Variants in SLC4A4 observed in about 807,000 individuals in gnomAD.
SLC4A4 encodes the protein solute carrier family 4 member 4.
A neutral mutation model predicts 111.5 loss-of-function variants in SLC4A4; 27 were observed. The ratio of observed to expected loss-of-function variants is 0.24; its 90% CI spans 0.18 to 0.33. SLC4A4 has a LOEUF of 0.33. Ranked by LOEUF, SLC4A4 falls within the 10% of genes least tolerant of loss-of-function variation. SLC4A4 has a pLI of 1.00. For synonymous variants in SLC4A4, 443 were observed against 463.4 expected (o/e 0.96, Z 0.57); for missense variants, 909 against 1,315.5 (o/e 0.69, Z 4.78).
At chr4:71,304,339 C>T (rs1405700598) in intron 3 of SLC4A4, among the ~76,000 whole-genome samples, 1 of 152,156 alleles carries the variant, frequency 6.6e-6, no homozygotes, top group East Asian at 1.9e-4. Flanking sequence ...GGCCAATGTC[C>T]TGGTGTGAGT....
chr4:71,167,228 T>C (rs7672316), intron 2 of SLC4A4, among the ~76,000 whole-genome samples: 16,690 of 151,956 alleles, frequency 0.11, 1,630 homozygotes, highest in African/African-American at 0.25. Context: ...TACAGAGAGG[T>C]GGCTTCTCCA....
intron 15 of SLC4A4, among the ~76,000 whole-genome samples, chr4:71,496,493 G>T (rs1378577451): frequency 6.6e-6 from 1 of 151,998 alleles, no homozygotes; most frequent in Non-Finnish European, 1.5e-5. Context: ...GACGAAGAGG[G>T]TATAGTTTTA....
chr4:71,305,635 G>T lies in SLC4A4; in HGVS notation c.254-33735G>T, dbSNP rs141736722. 6.9e-3 allele frequency among the ~76,000 whole-genome samples: 1,056 copies of T among 152,304 alleles called. 6 individuals carry two copies. The highest frequency in any genetic ancestry group is 9.1e-3 in the Non-Finnish European group (620 of 68,036). ...TCCCCATCTTTACCACTAGCACACT[G>T]TGAATCTCAGAGCATATTATTTCAC... On this transcript the variant is annotated intron_variant, in intron 3 of 25. Transcript: ENST00000264485.
At chr4:71,280,140 T>C (rs1378597974) in intron 3 of SLC4A4, among the ~76,000 whole-genome samples, 1 of 152,204 alleles carries the variant, frequency 6.6e-6, no homozygotes, top group Non-Finnish European at 1.5e-5. Flanking sequence ...TGTGAGGTAA[T>C]GTCTTATATT....
chr4:71,283,297 G>A (rs755322565), intron 3 of SLC4A4, among the ~76,000 whole-genome samples: 2 of 152,140 alleles, frequency 1.3e-5, no homozygotes, highest in Non-Finnish European at 2.9e-5. Flanking sequence ...GCTCTTTCAT[G>A]GCAATGTTTT....
intron 20 of SLC4A4, among the ~76,000 whole-genome samples, chr4:71,551,912 T>C (rs1008102086): frequency 1.3e-5 from 2 of 151,914 alleles, no homozygotes; most frequent in African/African-American, 2.4e-5. Context: ...GAATAACATG[T>C]TTCTGAATAT....
At chr4:71,349,859 C>T in intron 4 of SLC4A4, 53 bp from the exon 5 acceptor site, 4 of 1,585,272 alleles carry the variant, frequency 2.5e-6, no homozygotes, top group Non-Finnish European at 3.5e-6. Context: ...ACTGCTATTT[C>T]TAGAGGAAGT....
intron 24 of SLC4A4, among the ~76,000 whole-genome samples, chr4:71,566,694 T>C (rs1223621939): frequency 2.0e-5 from 3 of 151,746 alleles, no homozygotes; most frequent in Admixed American, 6.6e-5. Context: ...ATACTGAAGA[T>C]GGAAGGAAAT....
intron 7 of SLC4A4, among the ~76,000 whole-genome samples, chr4:71,434,889 A>G (rs1723980348): frequency 6.6e-6 from 1 of 152,176 alleles, no homozygotes; most frequent in South Asian, 2.1e-4. Flanking sequence ...CTTCAAGGAG[A>G]ACTACAAACC....
At chr4:71,448,230 G>T (rs1725415537) in intron 9 of SLC4A4, among the ~76,000 whole-genome samples, 1 of 146,354 alleles carries the variant, frequency 6.8e-6, no homozygotes, top group South Asian at 2.2e-4. Flanking sequence ...TGAGGCAGGA[G>T]AATCACTAGA....
intron 3 of SLC4A4, among the ~76,000 whole-genome samples, chr4:71,271,425 T>G (rs1489205071): frequency 6.6e-6 from 1 of 152,200 alleles, no homozygotes; most frequent in Non-Finnish European, 1.5e-5. Flanking sequence ...AGTTAATAGC[T>G]TCTCACATTC....
chr4:71,344,720 G>A (rs1409339290), intron 4 of SLC4A4, among the ~76,000 whole-genome samples: 2 of 152,038 alleles, frequency 1.3e-5, no homozygotes, highest in African/African-American at 2.4e-5. Flanking sequence ...GTTGGCTAAT[G>A]ATTTCTTACA....
intron 1 of SLC4A4, among the ~76,000 whole-genome samples, chr4:71,234,527 G>C (rs973732608): frequency 6.6e-6 from 1 of 152,172 alleles, no homozygotes; most frequent in Non-Finnish European, 1.5e-5. Flanking sequence ...CTGGGTTCAA[G>C]TTATCCTCCT....
At chr4:71,461,046 G>C (rs1726773382) in intron 12 of SLC4A4, among the ~76,000 whole-genome samples, 1 of 151,968 alleles carries the variant, frequency 6.6e-6, no homozygotes, top group Admixed American at 6.6e-5. Flanking sequence ...CAGTGACATT[G>C]GGCTACCTCA....
At chr4:71,423,675 G>A (rs1045905338) in intron 7 of SLC4A4, among the ~76,000 whole-genome samples, 2 of 152,178 alleles carry the variant, frequency 1.3e-5, no homozygotes, top group Non-Finnish European at 2.9e-5. Context: ...AGAGCCCTCA[G>A]AAATAACGCC....
chr4:71,467,811 C>G (rs867712167), intron 13 of SLC4A4, among the ~76,000 whole-genome samples: 21 of 152,150 alleles, frequency 1.4e-4, no homozygotes, highest in African/African-American at 5.1e-4. Flanking sequence ...GAGAGAATTG[C>G]CTTTACTGGC....
chr4:71,199,599 G>C (rs967387489), intron 1 of SLC4A4, among the ~76,000 whole-genome samples: 1 of 152,178 alleles, frequency 6.6e-6, no homozygotes, highest in Non-Finnish European at 1.5e-5. Flanking sequence ...TAGCTTGTGT[G>C]ATAGATGGAT....
At chr4:71,500,239 C>G (rs1730791021) in intron 16 of SLC4A4, among the ~76,000 whole-genome samples, 1 of 152,088 alleles carries the variant, frequency 6.6e-6, no homozygotes, top group Non-Finnish European at 1.5e-5. Context: ...TGCAAAACAT[C>G]TATTCAGGTC....
chr4:71,101,779 A>G (rs1007048493), intron 2 of SLC4A4, among the ~76,000 whole-genome samples: 1 of 152,084 alleles, frequency 6.6e-6, no homozygotes, highest in African/African-American at 2.4e-5. Flanking sequence ...GTACATCACC[A>G]TCATCAAAGA....
Sources: gnomAD v4.1 joint callset for allele counts (sites outside exome capture counted in the v4.1 genomes callset) on GRCh38, gnomAD v4.1.1 for gene constraint, MANE v1.5 for transcripts, NCBI Gene and HGNC (gene_info 2026-07-23, HGNC 2026-07-21) for gene names.